Variants in CSMD1 observed in about 807,000 individuals in gnomAD.
CSMD1 encodes CUB and Sushi multiple domains 1.
A neutral mutation model predicts 417.5 loss-of-function variants in CSMD1; 213 were observed. That is an observed-to-expected ratio of 0.51 (90% confidence interval 0.46 to 0.57). CSMD1 has a LOEUF of 0.57. Among genes scored for constraint, CSMD1 ranks in the 20% least tolerant of loss-of-function variants. The probability of loss-of-function intolerance (pLI) is 0.00; values close to 1 mark genes in which losing one functional copy is unlikely to be tolerated. For missense variants in CSMD1, 6,923 were observed against 4,529.7 expected (o/e 1.53, Z -15.17); for synonymous variants, 2,862 against 1,736.8 (o/e 1.65, Z -16.11).
intron 53 of CSMD1, among the ~76,000 whole-genome samples, chr8:2,998,852 T>G (rs1197689579): frequency 6.6e-6 from 1 of 152,210 alleles, no homozygotes; most frequent in African/African-American, 2.4e-5. Context: ...TGGTGTTTTC[T>G]TCCTCATTTA....
intron 1 of CSMD1, among the ~76,000 whole-genome samples, chr8:4,868,723 G>C (rs1245702217): frequency 2.0e-5 from 3 of 151,818 alleles, no homozygotes; most frequent in East Asian, 1.9e-4. Context: ...TGCGGTACCA[G>C]TTAGAACTAG....
rs146992945 is a variant in CSMD1 at position 4,812,490 on chromosome 8, T to A, written c.86-174932A>T. The stretch of plus-strand genomic sequence containing the variant: ...TAGAAATAATACTTAAGTTGACAGA[T>A]ATCCCAAATACCCCAAATTTGATCA... On this transcript the variant is annotated intron_variant, in intron 1 of 69. Transcript: ENST00000635120. 3.9e-5 allele frequency among the ~76,000 whole-genome samples: 6 copies of A among 152,310 alleles called. No homozygotes were observed. In the East Asian group the frequency reaches 1.2e-3, roughly 29 times the overall value.
chr8:3,478,379 C>T (rs536893640), intron 11 of CSMD1, among the ~76,000 whole-genome samples: 7 of 152,266 alleles, frequency 4.6e-5, no homozygotes, highest in South Asian at 2.1e-4. Flanking sequence ...TGAGTGCAGC[C>T]CACACTACTT....
At chr8:3,828,993 G>A (rs936566608) in intron 5 of CSMD1, among the ~76,000 whole-genome samples, 3 of 151,714 alleles carry the variant, frequency 2.0e-5, no homozygotes, top group Non-Finnish European at 4.4e-5. Context: ...TACCCCAGCT[G>A]TTTCCTCTGT....
At chr8:3,986,075 A>C (rs544892234) in intron 5 of CSMD1, among the ~76,000 whole-genome samples, 16 of 152,104 alleles carry the variant, frequency 1.1e-4, no homozygotes, top group Middle Eastern at 6.8e-3. Flanking sequence ...ACCCCATCCA[A>C]AAATCAAGGA....
At chr8:3,233,801 C>G (rs946138769) in intron 26 of CSMD1, among the ~76,000 whole-genome samples, 1 of 152,140 alleles carries the variant, frequency 6.6e-6, no homozygotes. Flanking sequence ...TGAAGGTACA[C>G]CCATCCAGAG....
At chr8:4,384,306 G>T (rs1447647371) in intron 3 of CSMD1, among the ~76,000 whole-genome samples, 3 of 152,090 alleles carry the variant, frequency 2.0e-5, no homozygotes, top group Admixed American at 1.3e-4. Flanking sequence ...TCCATAAAGG[G>T]CAGTTCCGAA....
chr8:3,323,325 C>A (rs1806277409), intron 23 of CSMD1, among the ~76,000 whole-genome samples: 1 of 152,072 alleles, frequency 6.6e-6, no homozygotes, highest in Non-Finnish European at 1.5e-5. Flanking sequence ...TCCCCATTTT[C>A]CCAAGTCTTA....
intron 12 of CSMD1, among the ~76,000 whole-genome samples, chr8:3,415,849 G>A (rs1326978873): frequency 6.6e-6 from 1 of 152,130 alleles, no homozygotes. Flanking sequence ...ATGGATCTAT[G>A]TTGTTTAGAA....
chr8:3,522,577 G>C (rs1298811109), intron 10 of CSMD1, among the ~76,000 whole-genome samples: 2 of 152,062 alleles, frequency 1.3e-5, no homozygotes, highest in Non-Finnish European at 2.9e-5. Flanking sequence ...AAAGAAATGG[G>C]AACACTACTC....
intron 54 of CSMD1, among the ~76,000 whole-genome samples, chr8:2,982,233 G>T (rs967302782): frequency 5.3e-5 from 8 of 152,140 alleles, no homozygotes; most frequent in African/African-American, 9.7e-5. Context: ...GCAGGGGCCT[G>T]TAATTCCAGC....
chr8:4,343,486 C>T (rs1053119673), intron 3 of CSMD1, among the ~76,000 whole-genome samples: 2 of 152,058 alleles, frequency 1.3e-5, no homozygotes, highest in Non-Finnish European at 2.9e-5. Context: ...TGGTGATGTA[C>T]ATGCGTACAT....
At chr8:4,516,961 A>G (rs1355415999) in intron 2 of CSMD1, among the ~76,000 whole-genome samples, 1 of 152,158 alleles carries the variant, frequency 6.6e-6, no homozygotes, top group Non-Finnish European at 1.5e-5. Context: ...ATTACTTTTC[A>G]CTATGAAAGA....
chr8:3,942,476 G>T (rs1424254331), intron 5 of CSMD1, among the ~76,000 whole-genome samples: 1 of 152,110 alleles, frequency 6.6e-6, no homozygotes, highest in African/African-American at 2.4e-5. Context: ...TTTCTACACA[G>T]ATGCCTGGAT....
chr8:3,142,810 G>T (rs770899245), intron 40 of CSMD1, 136 bp from the exon 41 acceptor site: 2 of 779,418 alleles, frequency 2.6e-6, no homozygotes, highest in East Asian at 2.5e-5. Flanking sequence ...CGTGGAGGAC[G>T]GCATTCACTG....
intron 1 of CSMD1, among the ~76,000 whole-genome samples, chr8:4,704,727 G>C (rs1288301947): frequency 2.0e-5 from 3 of 152,136 alleles, no homozygotes; most frequent in African/African-American, 7.2e-5. Flanking sequence ...TGGAATGCCT[G>C]TCCTTTCAAA....
At chr8:3,847,272 T>C (rs1803571129) in intron 5 of CSMD1, among the ~76,000 whole-genome samples, 1 of 152,110 alleles carries the variant, frequency 6.6e-6, no homozygotes, top group Non-Finnish European at 1.5e-5. Context: ...ATCAGTTGAT[T>C]TTTAAGTTAA....
At chr8:3,408,544 G>A (rs951091404) in intron 13 of CSMD1, among the ~76,000 whole-genome samples, 1 of 152,064 alleles carries the variant, frequency 6.6e-6, no homozygotes, top group Admixed American at 6.6e-5. Context: ...TCTGCCTTCA[G>A]AAGAGCAAAT....
At chr8:3,688,283 A>G (rs1800049731) in intron 7 of CSMD1, among the ~76,000 whole-genome samples, 1 of 152,206 alleles carries the variant, frequency 6.6e-6, no homozygotes, top group Non-Finnish European at 1.5e-5. Context: ...TTTGAAACGG[A>G]CTATAATAGA....
Sources: gnomAD v4.1 joint callset for allele counts (sites outside exome capture counted in the v4.1 genomes callset) on GRCh38, gnomAD v4.1.1 for gene constraint, MANE v1.5 for transcripts, NCBI Gene and HGNC (gene_info 2026-07-23, HGNC 2026-07-21) for gene names.